Variants in TTC7A observed in about 807,000 individuals in gnomAD.
TTC7A encodes tetratricopeptide repeat protein 7A.
A neutral mutation model predicts 103.7 loss-of-function variants in TTC7A; 110 were observed. The ratio of observed to expected loss-of-function variants is 1.06; its 90% CI spans 0.91 to 1.24. The LOEUF (loss-of-function observed/expected upper bound fraction) is 1.24. Among genes scored for constraint, TTC7A ranks in the 50% most tolerant of loss-of-function variants. The pLI, the probability that TTC7A is intolerant of heterozygous loss-of-function variation, is 0.00. For missense variants in TTC7A, 1,340 were observed against 1,116.3 expected, an observed-to-expected ratio of 1.20 and a Z score of -2.86; for synonymous variants, 521 against 467.9, an observed-to-expected ratio of 1.11 and a Z score of -1.47.
chr2:46,937,521 A>G (rs1023916574), upstream of TTC7A, among the ~76,000 whole-genome samples: 1 of 152,254 alleles, frequency 6.6e-6, no homozygotes, highest in African/African-American at 2.4e-5. This position sits in a 1 kb window ranked among gnomAD's most constrained non-coding sequence, Gnocchi z 4.0. Flanking sequence ...CCAGATTTAT[A>G]GCAATTCATT....
At chr2:46,948,608 C>G (rs1435220156) in intron 1 of TTC7A, among the ~76,000 whole-genome samples, 2 of 152,150 alleles carry the variant, frequency 1.3e-5, no homozygotes, top group South Asian at 2.1e-4. Context: ...GTGAGAGATT[C>G]TTCTTCAGAG....
chr2:46,932,958 T>C (rs1257381204), intron 2 of TTC7A, among the ~76,000 whole-genome samples: 1 of 150,882 alleles, frequency 6.6e-6, no homozygotes, highest in East Asian at 2.0e-4. Context: ...AAAACTGCTA[T>C]AATCTCTGAG....
chr2:47,037,387 A>G (rs1013064056), intron 15 of TTC7A, among the ~76,000 whole-genome samples: 3 of 152,240 alleles, frequency 2.0e-5, no homozygotes, highest in Admixed American at 6.5e-5. Flanking sequence ...GAAGAGAACC[A>G]TGCGGGGATT....
At chr2:46,976,018 C>G (rs777445514) in intron 4 of TTC7A, among the ~76,000 whole-genome samples, 1 of 152,132 alleles carries the variant, frequency 6.6e-6, no homozygotes, top group African/African-American at 2.4e-5. Flanking sequence ...ATTACAGGCC[C>G]GTGCCCAGCC....
intron 2 of TTC7A, among the ~76,000 whole-genome samples, chr2:46,918,985 C>G (rs1401654886): frequency 1.3e-5 from 2 of 152,256 alleles, no homozygotes; most frequent in South Asian, 2.1e-4. Context: ...CAAGTAGAGA[C>G]AGAGAGGTGG....
intron 1 of TTC7A, among the ~76,000 whole-genome samples, chr2:46,943,554 A>G (rs889496708): frequency 6.6e-6 from 1 of 152,208 alleles, no homozygotes; most frequent in African/African-American, 2.4e-5. Flanking sequence ...TCATACATGC[A>G]TATGCACACA....
chr2:47,014,909 C>A (rs1324023356), intron 11 of TTC7A, among the ~76,000 whole-genome samples: 1 of 152,266 alleles, frequency 6.6e-6, no homozygotes, highest in Non-Finnish European at 1.5e-5. Flanking sequence ...CCCAGAGCCA[C>A]TGTTGGACAC....
rs1380940594 is a variant in TTC7A at position 47,073,932 on chromosome 2, C to T, written c.*9C>T. 5.0e-6 allele frequency: 8 copies of T among 1,604,412 alleles called. No individual in the cohort carries two copies. Among genetic ancestry groups the T allele is most frequent in the Non-Finnish European group, 6.8e-6 (8 of 1,174,744 alleles). ...TCCCCAGAGAGCTCTGACGACGCTG[C>T]AGCCGCAGGGAGGGAGGGGCTGGCC... On this transcript the variant is annotated 3_prime_UTR_variant, in exon 20 of 20. Transcript: ENST00000319190.
intron 16 of TTC7A, among the ~76,000 whole-genome samples, chr2:47,048,729 AAT>A (rs1682572899): frequency 6.6e-6 from 1 of 152,050 alleles, no homozygotes; most frequent in Admixed American, 6.6e-5. Context: ...CAGCCTCCCA[AAT>A]AGCTGGGACT....
chr2:46,952,761 A>G (rs76562327), intron 2 of TTC7A, among the ~76,000 whole-genome samples: 19 of 152,086 alleles, frequency 1.2e-4, no homozygotes, highest in African/African-American at 4.6e-4. Context: ...CACACACACA[A>G]AAAAAGTTCT....
rs553334322 is a variant in TTC7A at position 47,004,741 on chromosome 2, G to A, written c.1066-1181G>A. ...CAGAACACAGCTCTGCCCAGCTCCCGCACAGCCCTTGGAGTGGGGGTGGAT... is the reference window on the plus strand; with the variant it reads ...CAGAACACAGCTCTGCCCAGCTCCCACACAGCCCTTGGAGTGGGGGTGGAT... On this transcript the variant is annotated intron_variant, in intron 8 of 19. Coordinates refer to ENST00000319190, the MANE Select transcript of TTC7A (RefSeq NM_020458.4). Among the ~76,000 whole-genome samples, 23 of 152,052 alleles carry A rather than the reference G, an allele frequency of 1.5e-4. 1 individual carries two copies. Among genetic ancestry groups the A allele is most frequent in the Admixed American group, 1.4e-3 (21 of 15,290 alleles).
chr2:46,976,607 T>C (rs942344901), intron 4 of TTC7A, among the ~76,000 whole-genome samples: 1 of 152,196 alleles, frequency 6.6e-6, no homozygotes, highest in African/African-American at 2.4e-5. Context: ...TCATTTCCCC[T>C]AGAGCAGGAT....
intron 3 of TTC7A, among the ~76,000 whole-genome samples, chr2:46,961,576 C>CAAATAAATAAAT (rs58889946): frequency 0.61 from 81,907 of 134,812 alleles, 25,429 homozygotes; most frequent in East Asian, 0.66. Context: ...GACTCCATCT[C>CAAATAAATAAAT]AAATAAATAA....
chr2:46,941,136 G>A (rs937316585), upstream of TTC7A: 62 of 147,876 alleles, frequency 4.2e-4, no homozygotes, highest in African/African-American at 1.5e-3. The surrounding 1 kb of genome is among the most constrained non-coding windows in gnomAD (Gnocchi z 4.2). Context: ...AGCCCGGCTC[G>A]CCGAGGCCTC....
chr2:47,017,520 G>A (rs1447705514), intron 11 of TTC7A, among the ~76,000 whole-genome samples: 1 of 152,126 alleles, frequency 6.6e-6, no homozygotes, highest in Non-Finnish European at 1.5e-5. Flanking sequence ...CTGGGTTACA[G>A]AGCGAGACCC....
intron 16 of TTC7A, among the ~76,000 whole-genome samples, chr2:47,048,923 C>A (rs748033128): frequency 6.6e-6 from 1 of 152,102 alleles, no homozygotes; most frequent in Non-Finnish European, 1.5e-5. Flanking sequence ...TTTTTTGCAC[C>A]ACACTTTGTG....
chr2:47,003,031 A>G (rs1181587228), intron 8 of TTC7A, among the ~76,000 whole-genome samples: 2 of 151,900 alleles, frequency 1.3e-5, no homozygotes, highest in Non-Finnish European at 2.9e-5. Flanking sequence ...TTCTGTTCCT[A>G]TTCTTCTGAC....
intron 19 of TTC7A, among the ~76,000 whole-genome samples, chr2:47,069,377 AAAGGACCCCAG>A (rs1684468998): frequency 6.6e-6 from 1 of 152,240 alleles, no homozygotes; most frequent in South Asian, 2.1e-4. Context: ...TCTCACTTGT[AAAGGACCCCAG>A]AAGAGAAAGG....
chr2:46,941,517 CT>C lies in TTC7A; in HGVS notation c.-23del, dbSNP rs1670373975. Reference sequence around the variant, plus strand: ...CCGGGTCTCCACTTCTTGGCCGCACCTTCCATGACAGCGCCCGCGAGAAGAT... The same window carrying C: ...CCGGGTCTCCACTTCTTGGCCGCACCTCCATGACAGCGCCCGCGAGAAGAT... On this transcript the variant is annotated 5_prime_UTR_variant, in exon 1 of 20. Coordinates refer to ENST00000319190, the MANE Select transcript of TTC7A (RefSeq NM_020458.4). The surrounding 1 kb of genome is among the most constrained non-coding windows in gnomAD (Gnocchi z 4.2). 6.5e-7 allele frequency: 1 copy of C among 1,548,584 alleles called. No individual in the cohort carries two copies. The highest frequency in any genetic ancestry group is 8.7e-7 in the Non-Finnish European group (1 of 1,146,384).
Sources: allele counts gnomAD v4.1 joint callset (sites outside exome capture counted in the v4.1 genomes callset), GRCh38; gene constraint gnomAD v4.1.1; non-coding constraint Gnocchi (gnomAD v3.1); transcripts MANE v1.5; gene names NCBI Gene and HGNC (gene_info 2026-07-23, HGNC 2026-07-21).